Variants in HPGDS observed in about 807,000 individuals in gnomAD.
HPGDS encodes hematopoietic prostaglandin D synthase.
Under a neutral mutation model 23.1 loss-of-function variants are expected in HPGDS, and 26 were observed. The ratio of observed to expected loss-of-function variants is 1.13; its 90% CI spans 0.83 to 1.56. HPGDS has a LOEUF of 1.56. Ranked by LOEUF, HPGDS falls within the 40% of genes most tolerant of loss-of-function variation. The probability of loss-of-function intolerance (pLI) is 0.00; values close to 1 mark genes in which losing one functional copy is unlikely to be tolerated. For synonymous variants in HPGDS, 95 were observed against 77.9 expected, an observed-to-expected ratio of 1.22 and a Z score of -1.16; for missense variants, 268 against 236.4, an observed-to-expected ratio of 1.13 and a Z score of -0.88.
chr4:94,327,461 G>C (rs1756655239), intron 2 of HPGDS, among the ~76,000 whole-genome samples: 1 of 152,078 alleles, frequency 6.6e-6, no homozygotes, highest in South Asian at 2.1e-4. Context: ...GTAGTGGGTG[G>C]GGTGGGCTGG....
At chr4:94,302,725 G>C (rs1210429128) in intron 4 of HPGDS, among the ~76,000 whole-genome samples, 5 of 151,758 alleles carry the variant, frequency 3.3e-5, no homozygotes, top group East Asian at 1.9e-4. Context: ...CATGATCTTG[G>C]GCCTTTATGT....
At chr4:94,327,209 G>A (rs1579444686) in intron 2 of HPGDS, among the ~76,000 whole-genome samples, 2 of 152,132 alleles carry the variant, frequency 1.3e-5, no homozygotes. Flanking sequence ...CCCAATGACA[G>A]TGGCAAGCAG....
chr4:94,304,804 G>A (rs1406987915), intron 4 of HPGDS, among the ~76,000 whole-genome samples: 1 of 152,036 alleles, frequency 6.6e-6, no homozygotes, highest in Non-Finnish European at 1.5e-5. Flanking sequence ...TAATACAAAG[G>A]TAGAGTGTTA....
chr4:94,320,647 A>G (rs1013747289), intron 2 of HPGDS, among the ~76,000 whole-genome samples: 1 of 152,064 alleles, frequency 6.6e-6, no homozygotes, highest in African/African-American at 2.4e-5. Flanking sequence ...AGTTCTTTGT[A>G]GATTCTGGAT....
chr4:94,319,224 C>T (rs1205928230), intron 2 of HPGDS, among the ~76,000 whole-genome samples: 1 of 152,164 alleles, frequency 6.6e-6, no homozygotes, highest in East Asian at 1.9e-4. Flanking sequence ...CATATATTTA[C>T]AATTGTTATA....
At chr4:94,330,413 GAACT>G (rs1382686904) in intron 2 of HPGDS, among the ~76,000 whole-genome samples, 1 of 152,102 alleles carries the variant, frequency 6.6e-6, no homozygotes, top group Non-Finnish European at 1.5e-5. Flanking sequence ...CATTTGTATT[GAACT>G]AACCACTCAG....
chr4:94,332,333 G>T (rs532843217), intron 2 of HPGDS, among the ~76,000 whole-genome samples: 9 of 152,174 alleles, frequency 5.9e-5, no homozygotes, highest in Non-Finnish European at 1.3e-4. Flanking sequence ...GACCCACTAA[G>T]TGCAGGGACC....
chr4:94,299,833 T>G (rs1756000411), intron 5 of HPGDS, among the ~76,000 whole-genome samples, 189 bp from the exon 6 acceptor site: 1 of 152,230 alleles, frequency 6.6e-6, no homozygotes, highest in South Asian at 2.1e-4. Context: ...TTACTACTAT[T>G]AAACATTTTC....
intron 2 of HPGDS, among the ~76,000 whole-genome samples, chr4:94,327,760 T>A (rs1016542661): frequency 6.6e-6 from 1 of 152,120 alleles, no homozygotes; most frequent in African/African-American, 2.4e-5. Context: ...GGACACTACA[T>A]GGGCTAAAGG....
rs1453782196 is a variant in HPGDS, at chr4:94,340,279, TTC to T, written c.-10+2514_-10+2515del. Among the ~76,000 whole-genome samples the T allele has an allele frequency of 4.1e-3, 258 of 62,452 alleles. 4 individuals carry two copies. Among genetic ancestry groups the T allele is most frequent in the African/African-American group, 0.012 (234 of 19,868 alleles). 41.0% of individuals were successfully genotyped at this position (62,452 alleles called of 152,430 possible). On this transcript the variant is annotated intron_variant, in intron 1 of 5. Transcript: ENST00000295256. ...TCTAAACCTTTCTTTCTTTCTTTCT[TTC>T]TTTCTTTCTTTCTTTCTTTCTTTCT...
At chr4:94,309,104 T>C (rs1756203659) in intron 3 of HPGDS, among the ~76,000 whole-genome samples, 2 of 134,884 alleles carry the variant, frequency 1.5e-5, no homozygotes, top group Non-Finnish European at 3.1e-5. Flanking sequence ...TTGAGGTAGA[T>C]GCGCCACAAT....
rs545053112 is a variant in HPGDS, at chr4:94,299,142, G to A, written c.*338C>T. On this transcript the variant is annotated 3_prime_UTR_variant, in exon 6 of 6. Coordinates refer to ENST00000295256, the MANE Select transcript of HPGDS (RefSeq NM_014485.3). ...TATGCAATTACAGGTAATTGTGGTA[G>A]CTGAAGTCCAAAACATTTTGGGGGA... 1.1e-5 allele frequency: 2 copies of A among 188,940 alleles called. No individual in the cohort carries two copies. Among genetic ancestry groups the A allele is most frequent in the African/African-American group, 2.3e-5 (1 of 42,992 alleles). 11.7% of individuals were successfully genotyped at this position (188,940 alleles called of 1,614,324 possible).
chr4:94,319,922 C>A (rs1241875124), intron 2 of HPGDS, among the ~76,000 whole-genome samples: 1 of 152,144 alleles, frequency 6.6e-6, no homozygotes, highest in Non-Finnish European at 1.5e-5. Context: ...TACCCCCACC[C>A]TGCAACAGGC....
At chr4:94,317,206 T>C (rs1756414375) in intron 3 of HPGDS, among the ~76,000 whole-genome samples, 1 of 152,010 alleles carries the variant, frequency 6.6e-6, no homozygotes, top group South Asian at 2.1e-4. Context: ...GAAACGAGCT[T>C]TAAAAGAAGC....
At chr4:94,334,714 G>A (rs1720952965) in intron 1 of HPGDS, 76 bp from the exon 2 acceptor site, 5 of 1,404,806 alleles carry the variant, frequency 3.6e-6, no homozygotes. Context: ...AGAATTTTTT[G>A]GAAAACTTTA....
chr4:94,318,151 G>A (rs113071026), intron 2 of HPGDS, among the ~76,000 whole-genome samples, 186 bp from the exon 3 acceptor site: 1,565 of 152,216 alleles, frequency 0.01, 20 homozygotes, highest in African/African-American at 0.035. Flanking sequence ...TGTTTAAGTT[G>A]TTAGAAAACC....
chr4:94,317,861 T>C lies in HPGDS; in HGVS notation c.226+12A>G. On this transcript the variant is annotated intron_variant, in intron 3 of 5. Coordinates refer to ENST00000295256, the MANE Select transcript of HPGDS (RefSeq NM_014485.3). ...CAGTTATCAAAAATCTTAAGCACAA[T>C]AAACATGTTACCTGTGTTTTTGGTC... 6.6e-7 allele frequency: 1 copy of C among 1,521,160 alleles called. No individual in the cohort carries two copies. Among genetic ancestry groups the C allele is most frequent in the Non-Finnish European group, 9.1e-7 (1 of 1,097,810 alleles). 94.2% of individuals were successfully genotyped at this position (1,521,160 alleles called of 1,614,324 possible).
chr4:94,312,134 C>G (rs1431382148), intron 3 of HPGDS, among the ~76,000 whole-genome samples: 1 of 152,026 alleles, frequency 6.6e-6, no homozygotes, highest in African/African-American at 2.4e-5. Flanking sequence ...GTGTCTCTAT[C>G]TCCTTCAGTT....
chr4:94,309,070 T>C (rs1756202131), intron 3 of HPGDS, among the ~76,000 whole-genome samples: 1 of 148,220 alleles, frequency 6.7e-6, no homozygotes, highest in African/African-American at 2.5e-5. Flanking sequence ...TTTTTTTTTT[T>C]TTTTTTGGCT....
Sources: gnomAD v4.1 joint callset for allele counts (sites outside exome capture counted in the v4.1 genomes callset) on GRCh38, gnomAD v4.1.1 for gene constraint, MANE v1.5 for transcripts, NCBI Gene and HGNC (gene_info 2026-07-23, HGNC 2026-07-21) for gene names.